SCFD2: variants seen among roughly 807,000 people sequenced by gnomAD.
SCFD2 encodes the protein sec1 family domain-containing protein 2.
In SCFD2, 54 loss-of-function variants were observed where a neutral mutation model predicts 58.9. The observed-to-expected ratio is 0.92, with a 90% CI of 0.74 to 1.15. SCFD2 has a LOEUF of 1.15. Ranked by LOEUF, SCFD2 falls within the 50% of genes most tolerant of loss-of-function variation. The probability of loss-of-function intolerance (pLI) is 0.00; values close to 1 mark genes in which losing one functional copy is unlikely to be tolerated. For synonymous variants in SCFD2, 321 were observed against 335.9 expected (o/e 0.96, Z 0.49); for missense variants, 805 against 836.6 (o/e 0.96, Z 0.47).
rs1265416741 is a variant in SCFD2, at chr4:53,273,967, A to T, written c.1170T>A (p.Ile390=). The T allele has an allele frequency of 6.2e-7, 1 of 1,613,226 alleles. No individual in the cohort carries two copies. The highest frequency in any genetic ancestry group is 1.3e-5 in the African/African-American group (1 of 74,918). The change falls in exon 4 of 9, where the codon ATT becomes ATA. Residue 390 remains isoleucine (I), a synonymous_variant. Coordinates refer to ENST00000401642, the MANE Select transcript of SCFD2 (RefSeq NM_152540.4). ...CTTTGAGGTTGTTCTTGAAGAGCTG[A>T]ATATAGGACATGAGCTGTCCCGGTG... The part of the protein sequence containing the change: ...RVTPGQLMSY[I]QLFKNNLKAL...
chr4:53,108,407 TA>T (rs1033974620), intron 5 of SCFD2, among the ~76,000 whole-genome samples: 1 of 151,640 alleles, frequency 6.6e-6, no homozygotes, highest in South Asian at 2.1e-4. Context: ...GAAAAACCCT[TA>T]AAAAATCAAT....
In SCFD2 at chr4:53,146,813, A is replaced by G. The variant is rs190434664; in HGVS notation, c.1312-1231T>C. Among the ~76,000 whole-genome samples, 22 of 152,306 alleles carry G rather than the reference A, an allele frequency of 1.4e-4. No individual in the cohort carries two copies. In the East Asian group the frequency reaches 4.0e-3, roughly 28 times the overall value. On this transcript the variant is annotated intron_variant, in intron 4 of 8. Coordinates refer to ENST00000401642, the MANE Select transcript of SCFD2 (RefSeq NM_152540.4). ...TATTATTATAACTGTTCTAATTTTT[A>G]TTAGTTATTGTTAATCTCTTACTGT...
chr4:53,036,466 G>A (rs1050594599), intron 5 of SCFD2, among the ~76,000 whole-genome samples: 2 of 151,288 alleles, frequency 1.3e-5, no homozygotes, highest in African/African-American at 2.4e-5. Context: ...ATAGTAGACC[G>A]GATAAAGAAA....
At chr4:53,324,812 G>A (rs1173171417) in intron 2 of SCFD2, among the ~76,000 whole-genome samples, 5 of 152,192 alleles carry the variant, frequency 3.3e-5, no homozygotes, top group Non-Finnish European at 5.9e-5. Flanking sequence ...GTTTGCATAT[G>A]AGAGGCTCAT....
chr4:53,332,865 A>G (rs1733537858), intron 2 of SCFD2, among the ~76,000 whole-genome samples: 1 of 150,922 alleles, frequency 6.6e-6, no homozygotes, highest in African/African-American at 2.4e-5. Context: ...TCTCAGCCCA[A>G]AATCTCCTTA....
At chr4:53,154,256 T>C (rs1182039950) in intron 4 of SCFD2, among the ~76,000 whole-genome samples, 1 of 152,210 alleles carries the variant, frequency 6.6e-6, no homozygotes, top group Non-Finnish European at 1.5e-5. Context: ...CTGCAGGCTG[T>C]ACAAGCATGG....
chr4:52,982,732 T>G (rs7685087), intron 5 of SCFD2, among the ~76,000 whole-genome samples: 131,626 of 152,110 alleles, frequency 0.87, 57,100 homozygotes, highest in Middle Eastern at 0.96. Flanking sequence ...GTTGATTTTC[T>G]ACCAGCTATG....
intron 5 of SCFD2, among the ~76,000 whole-genome samples, chr4:53,083,831 G>A (rs1476873031): frequency 6.6e-6 from 1 of 152,128 alleles, no homozygotes; most frequent in Admixed American, 6.6e-5. Context: ...CAGAGAGTAG[G>A]TATAAAGATC....
intron 6 of SCFD2, among the ~76,000 whole-genome samples, chr4:52,908,751 A>G (rs1292587477): frequency 6.6e-6 from 1 of 152,222 alleles, no homozygotes; most frequent in Admixed American, 6.5e-5. Context: ...CATTAAAATC[A>G]TAAATAACCA....
chr4:52,996,497 T>C (rs1411850856), intron 5 of SCFD2, among the ~76,000 whole-genome samples: 6 of 152,224 alleles, frequency 3.9e-5, no homozygotes, highest in African/African-American at 1.2e-4. Flanking sequence ...CATCATCACA[T>C]ACCAACTCAA....
intron 4 of SCFD2, among the ~76,000 whole-genome samples, chr4:53,223,130 T>A (rs1208409824): frequency 6.6e-6 from 1 of 152,172 alleles, no homozygotes; most frequent in Non-Finnish European, 1.5e-5. Flanking sequence ...AATATATAAA[T>A]CATTTTATTT....
chr4:53,169,094 G>A (rs1727098957), intron 4 of SCFD2, among the ~76,000 whole-genome samples: 1 of 152,218 alleles, frequency 6.6e-6, no homozygotes, highest in African/African-American at 2.4e-5. Context: ...AGAATGCATA[G>A]GCCGGGCGTG....
intron 7 of SCFD2, among the ~76,000 whole-genome samples, chr4:52,898,441 G>A (rs1205982916): frequency 2.0e-5 from 3 of 152,216 alleles, no homozygotes; most frequent in Admixed American, 6.5e-5. Context: ...AGGTTGTTCA[G>A]TTTCCATGTA....
intron 7 of SCFD2, among the ~76,000 whole-genome samples, chr4:52,898,213 CT>C (rs1439063460): frequency 2.0e-5 from 3 of 152,102 alleles, no homozygotes; most frequent in Non-Finnish European, 4.4e-5. Flanking sequence ...TGTGTTTGCT[CT>C]TGCTTCTCTA....
At chr4:53,351,263 C>T (rs534903892) in intron 2 of SCFD2, among the ~76,000 whole-genome samples, 14 of 152,178 alleles carry the variant, frequency 9.2e-5, no homozygotes, top group African/African-American at 3.4e-4. Flanking sequence ...GACGTCAGGC[C>T]CTGACCATTT....
At chr4:53,031,125 T>C (rs1722606135) in intron 5 of SCFD2, among the ~76,000 whole-genome samples, 1 of 152,136 alleles carries the variant, frequency 6.6e-6, no homozygotes, top group Admixed American at 6.5e-5. Flanking sequence ...CCACTGGTGA[T>C]ACCCAGGCAA....
intron 3 of SCFD2, among the ~76,000 whole-genome samples, chr4:53,310,387 T>G (rs1732654962): frequency 6.6e-6 from 1 of 152,240 alleles, no homozygotes; most frequent in South Asian, 2.1e-4. Context: ...GACAGATATG[T>G]GAAGTTCCTC....
chr4:53,276,433 T>C (rs1470047715), intron 3 of SCFD2, among the ~76,000 whole-genome samples: 2 of 152,182 alleles, frequency 1.3e-5, no homozygotes, highest in African/African-American at 4.8e-5. Flanking sequence ...CTGACCCACA[T>C]ATACATTTAT....
chr4:53,084,830 G>A lies in SCFD2; in HGVS notation c.1561+60503C>T, dbSNP rs112220582. Among the ~76,000 whole-genome samples, 474 of 152,286 alleles carry A rather than the reference G, an allele frequency of 3.1e-3. 1 individual carries two copies. The highest frequency in any genetic ancestry group is 0.011 in the African/African-American group (440 of 41,566). ...TAATGCTGAAAAAGCATTTGATAAAGTTCAACATTCCTTCATGATAAGATA... is the reference window on the plus strand; with the variant it reads ...TAATGCTGAAAAAGCATTTGATAAAATTCAACATTCCTTCATGATAAGATA... On this transcript the variant is annotated intron_variant, in intron 5 of 8. Transcript: ENST00000401642.
Sources: allele counts gnomAD v4.1 joint callset (sites outside exome capture counted in the v4.1 genomes callset), GRCh38; gene constraint gnomAD v4.1.1; transcripts MANE v1.5; gene names NCBI Gene and HGNC (gene_info 2026-07-23, HGNC 2026-07-21).